Variants in STK3 observed in about 807,000 individuals in gnomAD.
STK3 encodes serine/threonine kinase 3.
STK3 carries 41 observed loss-of-function variants against 58.0 expected under a neutral mutation model. The ratio of observed to expected loss-of-function variants is 0.71; its 90% CI spans 0.55 to 0.92. The LOEUF (loss-of-function observed/expected upper bound fraction) is 0.92. Among genes scored for constraint, STK3 ranks in the 40% least tolerant of loss-of-function variants. The pLI is 0.00. For synonymous variants in STK3, 170 were observed against 191.0 expected (o/e 0.89, Z 0.91); for missense variants, 479 against 602.7 (o/e 0.79, Z 2.15).
At chr8:98,587,538 T>A (rs562817933) in intron 7 of STK3, among the ~76,000 whole-genome samples, 1 of 152,156 alleles carries the variant, frequency 6.6e-6, no homozygotes, top group African/African-American at 2.4e-5. Context: ...AATTTTGGAA[T>A]AGGAGTGGTG....
intron 3 of STK3, among the ~76,000 whole-genome samples, chr8:98,762,188 G>A (rs1008312574): frequency 6.6e-6 from 1 of 152,036 alleles, no homozygotes; most frequent in Non-Finnish European, 1.5e-5. Context: ...CTACCCATTC[G>A]TCTGTTTCTT....
intron 1 of STK3, among the ~76,000 whole-genome samples, chr8:98,816,470 T>C (rs1171971481): frequency 6.7e-6 from 1 of 150,144 alleles, no homozygotes; most frequent in Admixed American, 6.6e-5. Context: ...GAGATTGCAC[T>C]ACTGCACTCC....
Position 98,455,635 on chromosome 8 carries a change from T to A in STK3, c.*207A>T. The A allele has an allele frequency of 1.7e-6, 1 of 586,490 alleles. No individual in the cohort carries two copies. Among genetic ancestry groups the A allele is most frequent in the Non-Finnish European group, 3.0e-6 (1 of 334,564 alleles). 36.3% of individuals were successfully genotyped at this position (586,490 alleles called of 1,614,324 possible). A position where few individuals can be genotyped will look rare whatever the true frequency, so the allele number is the denominator to read the frequency against. ...ACAGAACAAGAGAATACACTTCTTT[T>A]GTTCTCCTCATCTTAGAGTGAATGC... On this transcript the variant is annotated 3_prime_UTR_variant, in exon 11 of 11. Coordinates refer to ENST00000419617, the MANE Select transcript of STK3 (RefSeq NM_006281.4).
intron 6 of STK3, among the ~76,000 whole-genome samples, chr8:98,614,894 G>A (rs551272712): frequency 6.6e-6 from 1 of 152,182 alleles, no homozygotes; most frequent in Non-Finnish European, 1.5e-5. Context: ...AGGGGAGCCC[G>A]CCATTGCCCG....
At chr8:98,907,585 C>T (rs1047892548) in intron 1 of STK3, among the ~76,000 whole-genome samples, 1 of 152,186 alleles carries the variant, frequency 6.6e-6, no homozygotes, top group Non-Finnish European at 1.5e-5. Flanking sequence ...TCATAATCCT[C>T]CATGCCCTCC....
intron 1 of STK3, among the ~76,000 whole-genome samples, chr8:98,932,613 G>C (rs751506833): frequency 2.3e-4 from 35 of 152,340 alleles, no homozygotes; most frequent in Admixed American, 3.9e-4. Context: ...CAGTGGCCTG[G>C]AGTAGTTGTT....
chr8:98,551,805 T>A (rs1415911881), intron 8 of STK3, among the ~76,000 whole-genome samples: 1 of 152,142 alleles, frequency 6.6e-6, no homozygotes, highest in Non-Finnish European at 1.5e-5. Context: ...CTAAAATAAA[T>A]GTTACTTTCT....
intron 4 of STK3, among the ~76,000 whole-genome samples, chr8:98,738,526 C>G (rs1390818625): frequency 2.0e-5 from 3 of 151,904 alleles, no homozygotes; most frequent in Non-Finnish European, 4.4e-5. Flanking sequence ...TAAGAGAGAT[C>G]AAGGAAAACA....
At chr8:98,550,716 T>TA (rs1379196535) in intron 8 of STK3, among the ~76,000 whole-genome samples, 2 of 152,132 alleles carry the variant, frequency 1.3e-5, no homozygotes, top group Admixed American at 1.3e-4. Context: ...TCTAACTTTC[T>TA]AGAGTCAGAC....
intron 6 of STK3, chr8:98,598,471 C>A: frequency 2.0e-6 from 2 of 985,336 alleles, no homozygotes; most frequent in Non-Finnish European, 2.4e-6. Context: ...CCAGGAAAAC[C>A]ACTATGCCAT....
chr8:98,804,614 C>T (rs762619583), intron 1 of STK3, among the ~76,000 whole-genome samples: 1 of 152,156 alleles, frequency 6.6e-6, no homozygotes, highest in Non-Finnish European at 1.5e-5. Flanking sequence ...TTATCTTCAA[C>T]TCAACTAGTT....
chr8:98,757,997 C>T (rs1373949519), intron 3 of STK3, among the ~76,000 whole-genome samples: 2 of 152,128 alleles, frequency 1.3e-5, no homozygotes, highest in African/African-American at 2.4e-5. Context: ...GTTTTTAAAC[C>T]AGCATGTTGA....
intron 3 of STK3, among the ~76,000 whole-genome samples, chr8:98,846,856 T>TACACACACAC (rs374739035): frequency 1.1e-4 from 16 of 143,320 alleles, no homozygotes; most frequent in African/African-American, 3.9e-4. Context: ...TTCAGGATCC[T>TACACACACAC]ACACACACAC....
intron 3 of STK3, among the ~76,000 whole-genome samples, chr8:98,874,293 A>T (rs958105600): frequency 6.6e-6 from 1 of 152,092 alleles, no homozygotes; most frequent in Admixed American, 6.5e-5. Flanking sequence ...CTTTGTTTCA[A>T]CTTTGATGAA....
chr8:98,385,492 C>A (rs542841956), intron 1 of STK3, among the ~76,000 whole-genome samples: 6 of 152,152 alleles, frequency 3.9e-5, no homozygotes, highest in Non-Finnish European at 8.8e-5. Flanking sequence ...CGAAGAAAGA[C>A]CCCGGATGAA....
intron 1 of STK3, among the ~76,000 whole-genome samples, chr8:98,799,897 T>G (rs2442010): frequency 6.6e-6 from 1 of 152,070 alleles, no homozygotes; most frequent in Non-Finnish European, 1.5e-5. Context: ...TCTCCAAAAC[T>G]GCCGAGGCCT....
chr8:98,915,723 G>A (rs1839323648), intron 1 of STK3, among the ~76,000 whole-genome samples: 1 of 151,646 alleles, frequency 6.6e-6, no homozygotes, highest in Admixed American at 6.6e-5. Context: ...CAGATAAGAC[G>A]TGTTCATCAT....
chr8:98,605,193 G>A (rs1207431464), intron 6 of STK3, among the ~76,000 whole-genome samples: 1 of 152,056 alleles, frequency 6.6e-6, no homozygotes, highest in Non-Finnish European at 1.5e-5. Context: ...CACTTTCAAA[G>A]CTGCTTCCAC....
At chr8:98,721,072 A>G (rs1201535502) in intron 4 of STK3, 1 of 984,102 alleles carries the variant, frequency 1.0e-6, no homozygotes, top group Non-Finnish European at 1.2e-6. Context: ...AAGCACACTC[A>G]CCTGGCCAAT....
Sources: gnomAD v4.1 joint callset for allele counts (sites outside exome capture counted in the v4.1 genomes callset) on GRCh38, gnomAD v4.1.1 for gene constraint, MANE v1.5 for transcripts, NCBI Gene and HGNC (gene_info 2026-07-23, HGNC 2026-07-21) for gene names.